Variants in IMMP2L observed in about 807,000 individuals in gnomAD.
IMMP2L encodes the protein mitochondrial inner membrane protease subunit 2.
IMMP2L carries 18 observed loss-of-function variants against 19.3 expected under a neutral mutation model. The ratio of observed to expected loss-of-function variants is 0.93; its 90% confidence interval spans 0.64 to 1.38. The LOEUF (loss-of-function observed/expected upper bound fraction) is 1.38. IMMP2L is among the 40% of genes most tolerant of loss of function. The pLI is 0.00. For missense variants in IMMP2L, 233 were observed against 218.2 expected (o/e 1.07, Z -0.43); for synonymous variants, 76 against 73.0 (o/e 1.04, Z -0.21).
chr7:110,947,448 G>C (rs1817376644), intron 4 of IMMP2L, among the ~76,000 whole-genome samples: 1 of 152,054 alleles, frequency 6.6e-6, no homozygotes, highest in Admixed American at 6.6e-5. Flanking sequence ...TAGAATTCAG[G>C]CTTCATTTAC....
chr7:110,790,711 T>C (rs1309313769), intron 5 of IMMP2L, among the ~76,000 whole-genome samples: 1 of 151,716 alleles, frequency 6.6e-6, no homozygotes, highest in Non-Finnish European at 1.5e-5. Context: ...AAGGGTCCTA[T>C]TTTAATATGA....
At chr7:111,092,190 G>T (rs1404210442) in intron 3 of IMMP2L, among the ~76,000 whole-genome samples, 4 of 152,192 alleles carry the variant, frequency 2.6e-5, no homozygotes, top group Non-Finnish European at 5.9e-5. Flanking sequence ...GGTCTGAAGG[G>T]ACAGTGCAAA....
intron 3 of IMMP2L, among the ~76,000 whole-genome samples, chr7:111,291,742 GTAGA>G (rs1342445606): frequency 6.6e-6 from 1 of 152,024 alleles, no homozygotes; most frequent in Admixed American, 6.6e-5. Context: ...TACTAAAAAG[GTAGA>G]TTTCAAATGT....
intron 3 of IMMP2L, among the ~76,000 whole-genome samples, chr7:111,352,537 CCT>C (rs1348576519): frequency 6.6e-6 from 1 of 151,986 alleles, no homozygotes; most frequent in East Asian, 1.9e-4. Context: ...GAACTTACCT[CCT>C]CTCTCTCATG....
chr7:110,987,825 A>C (rs894522844), intron 3 of IMMP2L, among the ~76,000 whole-genome samples: 1 of 152,184 alleles, frequency 6.6e-6, no homozygotes, highest in Non-Finnish European at 1.5e-5. Context: ...CATTACATTC[A>C]TTTAAAAATA....
chr7:111,427,112 C>T (rs1028451883), intron 3 of IMMP2L, among the ~76,000 whole-genome samples: 1 of 145,736 alleles, frequency 6.9e-6, no homozygotes, highest in Admixed American at 6.9e-5. Context: ...GTACTCTTTA[C>T]GGAGTTCGCT....
intron 3 of IMMP2L, among the ~76,000 whole-genome samples, chr7:111,410,294 T>C (rs1199264515): frequency 6.6e-6 from 1 of 151,714 alleles, no homozygotes; most frequent in East Asian, 1.9e-4. Context: ...TAGATCATCC[T>C]TGAAAAGCAC....
chr7:110,801,965 C>G (rs1442353977), intron 5 of IMMP2L, among the ~76,000 whole-genome samples: 3 of 152,056 alleles, frequency 2.0e-5, no homozygotes, highest in Non-Finnish European at 2.9e-5. Context: ...ACAGAGATAT[C>G]TCATTCCATA....
chr7:110,777,777 C>T (rs540536407), intron 5 of IMMP2L, among the ~76,000 whole-genome samples: 20 of 151,996 alleles, frequency 1.3e-4, no homozygotes, highest in African/African-American at 2.9e-4. Context: ...AAAATCTTAA[C>T]GCCAAATAAA....
At chr7:110,770,554 G>A (rs922223609) in intron 5 of IMMP2L, among the ~76,000 whole-genome samples, 1 of 152,152 alleles carries the variant, frequency 6.6e-6, no homozygotes, top group African/African-American at 2.4e-5. Flanking sequence ...TCTTGTCCCT[G>A]TCAAAATCCT....
intron 1 of IMMP2L, among the ~76,000 whole-genome samples, chr7:111,533,785 G>T (rs904918269): frequency 2.0e-5 from 3 of 151,828 alleles, no homozygotes. Context: ...GTCTTTTAAG[G>T]GTAGAAAGAG....
chr7:111,431,788 T>C (rs2131691846), intron 3 of IMMP2L, among the ~76,000 whole-genome samples: 1 of 151,714 alleles, frequency 6.6e-6, no homozygotes, highest in East Asian at 1.9e-4. Context: ...TCAGAAGTAA[T>C]GGCTTTTGTT....
intron 3 of IMMP2L, among the ~76,000 whole-genome samples, chr7:111,098,659 C>T (rs1797651521): frequency 2.0e-5 from 3 of 151,722 alleles, no homozygotes; most frequent in Admixed American, 2.0e-4. Context: ...ACTTAACATA[C>T]ATTTTCTCAT....
At chr7:111,087,760 G>A (rs1380460942) in intron 3 of IMMP2L, among the ~76,000 whole-genome samples, 2 of 152,118 alleles carry the variant, frequency 1.3e-5, no homozygotes, top group Non-Finnish European at 2.9e-5. Flanking sequence ...GATAAAGAGT[G>A]CTATTGTGGG....
chr7:111,357,386 G>A (rs1254833048), intron 3 of IMMP2L, among the ~76,000 whole-genome samples: 1 of 151,934 alleles, frequency 6.6e-6, no homozygotes, highest in African/African-American at 2.4e-5. Context: ...TACTTTCCTG[G>A]TAAGCAACTA....
chr7:111,091,609 GAATTCT>G (rs1489904437), intron 3 of IMMP2L: 1 of 152,160 alleles, frequency 6.6e-6, no homozygotes, highest in Non-Finnish European at 1.5e-5. Context: ...CTTCTTGTCT[GAATTCT>G]AAGAGCATTT....
chr7:111,391,960 T>C (rs985147597), intron 3 of IMMP2L: 7 of 703,134 alleles, frequency 1.0e-5, no homozygotes, highest in Non-Finnish European at 1.8e-5. Flanking sequence ...TTAGGCTAAC[T>C]CTTCTCGGTT....
At chr7:111,031,138 T>G in intron 3 of IMMP2L, among the ~76,000 whole-genome samples, 1 of 151,882 alleles carries the variant, frequency 6.6e-6, no homozygotes, top group East Asian at 1.9e-4. Context: ...TATAGTTATA[T>G]GTATACACAC....
At chr7:111,201,242 ATG>A (rs910112295) in intron 3 of IMMP2L, among the ~76,000 whole-genome samples, 5 of 151,480 alleles carry the variant, frequency 3.3e-5, no homozygotes, top group Non-Finnish European at 5.9e-5. Context: ...ATGAAAATCG[ATG>A]TGTTATCACC....
Sources: gnomAD v4.1 joint callset for allele counts (sites outside exome capture counted in the v4.1 genomes callset) on GRCh38, gnomAD v4.1.1 for gene constraint, MANE v1.5 for transcripts, NCBI Gene and HGNC (gene_info 2026-07-23, HGNC 2026-07-21) for gene names.